CREB3L2: variants seen among roughly 807,000 people sequenced by gnomAD.
CREB3L2 encodes the protein cAMP responsive element binding protein 3 like 2, also known as cyclic AMP-responsive element-binding protein 3-like protein 2.
A neutral mutation model predicts 57.2 loss-of-function variants in CREB3L2; 23 were observed. The ratio of observed to expected loss-of-function variants is 0.40; its 90% CI spans 0.29 to 0.57. The LOEUF (loss-of-function observed/expected upper bound fraction) is 0.57. Among genes scored for constraint, CREB3L2 ranks in the 20% least tolerant of loss-of-function variants. CREB3L2 has a pLI of 0.42. For synonymous variants in CREB3L2, 268 were observed against 265.1 expected (o/e 1.01, Z -0.11); for missense variants, 628 against 634.7 (o/e 0.99, Z 0.11).
intron 2 of CREB3L2, among the ~76,000 whole-genome samples, chr7:137,926,399 C>A (rs955046846): frequency 2.5e-4 from 38 of 152,084 alleles, no homozygotes; most frequent in Admixed American, 1.8e-3. Flanking sequence ...TACTATACAG[C>A]CATAAAAAAG....
intron 3 of CREB3L2, among the ~76,000 whole-genome samples, chr7:137,915,636 A>G (rs1800111376): frequency 6.6e-6 from 1 of 152,206 alleles, no homozygotes; most frequent in Non-Finnish European, 1.5e-5. Context: ...TTTTTTCCGA[A>G]CAATGGCTTT....
At chr7:137,923,975 AC>A (rs2117233389) in intron 2 of CREB3L2, among the ~76,000 whole-genome samples, 1 of 152,092 alleles carries the variant, frequency 6.6e-6, no homozygotes, top group Admixed American at 6.5e-5. Flanking sequence ...AGCCTGTCCC[AC>A]TTACCCCATG....
At chr7:138,000,589 C>T (rs145976427) in intron 1 of CREB3L2, among the ~76,000 whole-genome samples, 73 of 152,168 alleles carry the variant, frequency 4.8e-4, no homozygotes, top group African/African-American at 1.8e-3. Context: ...GGCCATTTTG[C>T]GAAAGTTTCA....
chr7:137,983,539 G>A (rs183738171), intron 1 of CREB3L2, among the ~76,000 whole-genome samples: 68 of 152,332 alleles, frequency 4.5e-4, no homozygotes, highest in Non-Finnish European at 6.2e-4. Flanking sequence ...CTTCAGGCAG[G>A]TGTTGTTAAA....
chr7:137,889,541 C>T (rs181071356), intron 8 of CREB3L2, among the ~76,000 whole-genome samples: 2 of 152,308 alleles, frequency 1.3e-5, no homozygotes, highest in East Asian at 3.9e-4. Flanking sequence ...TTTTAAAATA[C>T]ACATTTTTAG....
intron 3 of CREB3L2, among the ~76,000 whole-genome samples, chr7:137,914,528 A>G (rs1800084946): frequency 6.6e-6 from 1 of 152,178 alleles, no homozygotes; most frequent in African/African-American, 2.4e-5. Context: ...GCTACCTGGG[A>G]GGCTGAGGCA....
rs182110092 is a variant in CREB3L2, at chr7:137,880,138, G to T, written c.*338C>A. 4,343 of 367,704 alleles carry T rather than the reference G, an allele frequency of 0.012. 41 individuals carry two copies. Among genetic ancestry groups the T allele is most frequent in the Middle Eastern group, 0.029 (38 of 1,300 alleles). 22.8% of individuals were successfully genotyped at this position (367,704 alleles called of 1,614,324 possible). A position where few individuals can be genotyped will look rare whatever the true frequency, so the allele number is the denominator to read the frequency against. ...GAGCCATCTCGTCTCCAAAGCGGGG[G>T]GTTACACCTCACAGGTGCACATTAG... On this transcript the variant is annotated 3_prime_UTR_variant, in exon 12 of 12. Coordinates refer to ENST00000330387, the MANE Select transcript of CREB3L2 (RefSeq NM_194071.4). This position sits in a 1 kb window ranked among gnomAD's most constrained non-coding sequence, Gnocchi z 4.0.
chr7:137,994,643 A>G (rs1056335433), intron 1 of CREB3L2, among the ~76,000 whole-genome samples: 1 of 152,158 alleles, frequency 6.6e-6, no homozygotes, highest in African/African-American at 2.4e-5. Context: ...ACAGCTAAAT[A>G]ATATTCTTAG....
At chr7:137,903,117 G>A (rs1047035752) in intron 7 of CREB3L2, among the ~76,000 whole-genome samples, 22 of 152,108 alleles carry the variant, frequency 1.4e-4, no homozygotes, top group African/African-American at 5.1e-4. Context: ...CCAGCCTATT[G>A]AAGTTTTTTT....
chr7:137,920,763 A>G (rs1036121823), intron 2 of CREB3L2, among the ~76,000 whole-genome samples: 2 of 152,240 alleles, frequency 1.3e-5, no homozygotes, highest in Non-Finnish European at 2.9e-5. Flanking sequence ...TCATATGAAG[A>G]AAGTCAGCCA....
At chr7:137,882,290 C>G (rs951838152) in intron 11 of CREB3L2, 122 bp downstream of exon 11, 10 of 696,586 alleles carry the variant, frequency 1.4e-5, no homozygotes, top group South Asian at 1.4e-4. Flanking sequence ...GGAAATAGGT[C>G]CTGAGAGAGC....
chr7:137,984,595 T>C (rs1477799290), intron 1 of CREB3L2, among the ~76,000 whole-genome samples: 1 of 152,244 alleles, frequency 6.6e-6, no homozygotes, highest in Admixed American at 6.5e-5. Flanking sequence ...GGCCCTTACA[T>C]GTTTAAATTA....
At position 137,931,630 on chromosome 7, in the gene CREB3L2, G is replaced by A. The variant is rs185560562; in HGVS notation, c.103-3264C>T. ...GTGGATCGCTTGAGGTCAGGAGTTC[G>A]AGGCTGGCCTGGCCAACATGGTGAA... On this transcript the variant is annotated intron_variant, in intron 1 of 11. Transcript: ENST00000330387. Among the ~76,000 whole-genome samples the A allele has an allele frequency of 1.8e-4, 27 of 151,672 alleles. No homozygotes were observed. In the East Asian group the frequency reaches 4.7e-3, roughly 26 times the overall value.
At chr7:137,917,053 G>T (rs1800153689) in intron 2 of CREB3L2, among the ~76,000 whole-genome samples, 1 of 152,020 alleles carries the variant, frequency 6.6e-6, no homozygotes, top group East Asian at 1.9e-4. Flanking sequence ...TTAGCCCTTT[G>T]GGAGACTTTG....
chr7:137,962,332 C>G (rs1801336787), intron 1 of CREB3L2, among the ~76,000 whole-genome samples: 1 of 152,154 alleles, frequency 6.6e-6, no homozygotes, highest in South Asian at 2.1e-4. Flanking sequence ...AAGAAGGATC[C>G]TGAGTGTGTA....
chr7:137,889,076 T>C lies in CREB3L2; in HGVS notation c.1044-3574A>G, dbSNP rs11976163. ...CATCCCCTACCCCTTGCCTAGTCCT[T>C]AGAGCATGAATAGCTTTAAAAAAAA... On this transcript the variant is annotated intron_variant, in intron 8 of 11. Transcript: ENST00000330387. Among the ~76,000 whole-genome samples, 812 of 152,150 alleles carry C rather than the reference T, an allele frequency of 5.3e-3. 7 individuals carry two copies. The highest frequency in any genetic ancestry group is 0.018 in the African/African-American group (738 of 41,468).
intron 8 of CREB3L2, among the ~76,000 whole-genome samples, chr7:137,895,506 A>C (rs906193405): frequency 6.6e-6 from 1 of 152,324 alleles, no homozygotes; most frequent in Admixed American, 6.5e-5. Flanking sequence ...CTCCCAGAGA[A>C]AAACTGAAGA....
Position 137,908,126 on chromosome 7 carries a change from T to A in CREB3L2, c.768+126A>T, listed in dbSNP as rs1004439856. On this transcript the variant is annotated intron_variant, in intron 5 of 11. Coordinates refer to ENST00000330387, the MANE Select transcript of CREB3L2 (RefSeq NM_194071.4). ...GGTTGACATCACTCTGCTTTCGCCA[T>A]TAAGCAGAAACTTCTTGACAAAAGT... 4.8e-6 allele frequency: 3 copies of A among 624,038 alleles called. No individual in the cohort carries two copies. The East Asian group carries it at 1.0e-4, about 22-fold the overall frequency. The allele number at this position is 624,038 out of a possible 1,614,324, so 38.7% of individuals were successfully genotyped here.
At chr7:137,941,210 A>G (rs1800875290) in intron 1 of CREB3L2, among the ~76,000 whole-genome samples, 1 of 152,248 alleles carries the variant, frequency 6.6e-6, no homozygotes, top group East Asian at 1.9e-4. Flanking sequence ...TCTCCACACC[A>G]CTAGAAAATG....
Sources: gnomAD v4.1 joint callset for allele counts (sites outside exome capture counted in the v4.1 genomes callset) on GRCh38, gnomAD v4.1.1 for gene constraint, Gnocchi (gnomAD v3.1) non-coding constraint, MANE v1.5 for transcripts, NCBI Gene and HGNC (gene_info 2026-07-23, HGNC 2026-07-21) for gene names.